The following NLRP13 variants were observed in gnomAD, a reference collection of about 807,000 sequenced individuals.
The protein encoded by NLRP13 is NACHT, LRR and PYD domains-containing protein 13.
Under a neutral mutation model 94.4 loss-of-function variants are expected in NLRP13, and 82 were observed. The observed-to-expected ratio is 0.87, with a 90% CI of 0.73 to 1.04. The LOEUF (loss-of-function observed/expected upper bound fraction) is 1.04, where lower values mean the gene tolerates loss of function less well. NLRP13 is among the 50% of genes least tolerant of loss of function. The pLI, the probability that NLRP13 is intolerant of heterozygous loss-of-function variation, is 0.00. For missense variants in NLRP13, 1,426 were observed against 1,230.8 expected (o/e 1.16, Z -2.37); for synonymous variants, 553 against 464.7 (o/e 1.19, Z -2.45).
chr19:55,905,406 CAT>C (rs35976866), intron 7 of NLRP13, among the ~76,000 whole-genome samples: 1 of 149,388 alleles, frequency 6.7e-6, no homozygotes, highest in African/African-American at 2.5e-5. Context: ...TATATACATA[CAT>C]ATATATACAC....
intron 10 of NLRP13, among the ~76,000 whole-genome samples, chr19:55,898,479 G>T (rs775450491): frequency 6.6e-6 from 1 of 152,090 alleles, no homozygotes; most frequent in Non-Finnish European, 1.5e-5. Context: ...CCAAATGCTG[G>T]GATTACAGGT....
intron 9 of NLRP13, 73 bp downstream of exon 9, chr19:55,901,962 A>T (rs1001857585): frequency 1.3e-5 from 20 of 1,485,336 alleles, no homozygotes; most frequent in Non-Finnish European, 1.9e-5. Context: ...CCCATCAGGA[A>T]CTCAGGCATT....
At chr19:55,931,746 A>AGAAAGACAGAAAG (rs1568449466) in intron 1 of NLRP13, among the ~76,000 whole-genome samples, 4 of 82,010 alleles carry the variant, frequency 4.9e-5, no homozygotes, top group Admixed American at 1.4e-4. Flanking sequence ...AAGAAAGAAA[A>AGAAAGACAGAAAG]AGGCTTATAA....
intron 1 of NLRP13, among the ~76,000 whole-genome samples, chr19:55,928,793 C>G (rs1272056058): frequency 6.6e-6 from 1 of 152,124 alleles, no homozygotes; most frequent in Non-Finnish European, 1.5e-5. Context: ...CAAATGGGAT[C>G]TAATTGAACT....
intron 10 of NLRP13, among the ~76,000 whole-genome samples, chr19:55,896,430 GA>G: frequency 6.6e-6 from 1 of 150,542 alleles, no homozygotes. Flanking sequence ...GCTGAGGCAG[GA>G]GAATCGCTTG....
chr19:55,899,070 A>T, intron 9 of NLRP13, 133 bp from the exon 10 acceptor site: 2 of 951,494 alleles, frequency 2.1e-6, no homozygotes, highest in Middle Eastern at 5.6e-4. Flanking sequence ...GCCTCGAAGG[A>T]GGAGGGTGCG....
At chr19:55,908,374 T>C (rs997303957) in intron 6 of NLRP13, among the ~76,000 whole-genome samples, 11 of 152,174 alleles carry the variant, frequency 7.2e-5, no homozygotes, top group African/African-American at 2.7e-4. Context: ...AAAAGTTTAA[T>C]ATTAAAAGAA....
chr19:55,896,545 G>C (rs1239800416), intron 10 of NLRP13, among the ~76,000 whole-genome samples: 3 of 141,070 alleles, frequency 2.1e-5, no homozygotes, highest in African/African-American at 7.9e-5. Context: ...AGGGCTGGGC[G>C]CGGTGGCTCA....
At chr19:55,895,881 C>T (rs1985992981), downstream of NLRP13, 2 of 1,543,516 alleles carry the variant, frequency 1.3e-6, no homozygotes, top group South Asian at 2.5e-5. Flanking sequence ...GACACATGCT[C>T]TAGAAGCCTA....
chr19:55,922,603 G>T (rs770543678), intron 4 of NLRP13, among the ~76,000 whole-genome samples: 1 of 152,180 alleles, frequency 6.6e-6, no homozygotes, highest in Non-Finnish European at 1.5e-5. Flanking sequence ...TGGGATTACC[G>T]GCGTGAGCCA....
downstream of NLRP13, chr19:55,895,888 C>A: frequency 6.4e-7 from 1 of 1,550,760 alleles, no homozygotes; most frequent in Admixed American, 1.8e-5. Flanking sequence ...GCTCTAGAAG[C>A]CTAGTCAATC....
chr19:55,899,685 C>T (rs997488458), intron 9 of NLRP13, among the ~76,000 whole-genome samples: 1 of 152,102 alleles, frequency 6.6e-6, no homozygotes, highest in Non-Finnish European at 1.5e-5. Context: ...GAGGCTGAGG[C>T]AGGAGAATAG....
chr19:55,894,372 C>G (rs144038717), downstream of NLRP13, among the ~76,000 whole-genome samples: 319 of 152,280 alleles, frequency 2.1e-3, 1 homozygote, highest in Non-Finnish European at 4.0e-3. Flanking sequence ...TCTCAGAATA[C>G]TGAATGGGGT....
Position 55,932,048 on chromosome 19 carries a change from G to A in NLRP13, c.264C>T (p.Ile88=), listed in dbSNP as rs777637676. The part of the protein sequence containing the change: ...KGQAWKVVLG[I]FQTMNLTSLC... The stretch of plus-strand genomic sequence containing the variant: ...GTGAGGTCAGATTCATTGTCTGGAA[G>A]ATGCCGAGGACCACTTTCCATGCCT... The change falls in exon 1 of 11, where the codon ATC becomes ATT. Residue 88 remains isoleucine (I), a synonymous_variant. Transcript: ENST00000342929. 1.2e-6 allele frequency: 2 copies of A among 1,614,058 alleles called. No individual in the cohort carries two copies. Among genetic ancestry groups the A allele is most frequent in the Non-Finnish European group, 8.5e-7 (1 of 1,180,020 alleles).
Position 55,912,103 on chromosome 19 carries a change from G to A in NLRP13, c.1714C>T (p.His572Tyr), listed in dbSNP as rs1986534177. ...KPQEMKMLLQ[H>Y]VLLDKEAYWT... ...TAGGCTTCTTTGTCAAGCAAGACGT[G>A]TTGCAGTAACATCTTCATCTCTTGT... Residue 572 changes from histidine (H) to tyrosine (Y), a missense_variant, in exon 5 of 11, where the codon CAC (histidine) becomes TAC (tyrosine). Physicochemically the swap from His to Tyr is moderately conservative, Grantham distance 83 (BLOSUM62 2). Coordinates refer to ENST00000342929, the MANE Select transcript of NLRP13 (RefSeq NM_176810.2). 6.2e-7 allele frequency: 1 copy of A among 1,614,190 alleles called. No individual in the cohort carries two copies. Among genetic ancestry groups the A allele is most frequent in the Non-Finnish European group, 8.5e-7 (1 of 1,180,028 alleles).
At chr19:55,905,609 C>A (rs1381666679) in intron 7 of NLRP13, among the ~76,000 whole-genome samples, 1 of 151,724 alleles carries the variant, frequency 6.6e-6, no homozygotes, top group Non-Finnish European at 1.5e-5. Context: ...GCCAAGAGTG[C>A]GCCACTGTAC....
intron 1 of NLRP13, among the ~76,000 whole-genome samples, chr19:55,930,686 CAAA>C (rs9304769): frequency 1.1e-3 from 103 of 94,208 alleles, no homozygotes; most frequent in East Asian, 2.7e-3. Context: ...AACTCCATCT[CAAA>C]AAAAAAAAAA....
At chr19:55,920,118 G>C (rs1986782282) in intron 4 of NLRP13, among the ~76,000 whole-genome samples, 1 of 152,134 alleles carries the variant, frequency 6.6e-6, no homozygotes, top group Non-Finnish European at 1.5e-5. Context: ...GGGAAAACTG[G>C]CTAGCCATAT....
intron 6 of NLRP13, among the ~76,000 whole-genome samples, chr19:55,909,818 T>C (rs1034744405): frequency 6.6e-6 from 1 of 152,214 alleles, no homozygotes; most frequent in Non-Finnish European, 1.5e-5. Flanking sequence ...GCCTTCTATC[T>C]CGTTTTCTTG....
Sources: gnomAD v4.1 joint callset for allele counts (sites outside exome capture counted in the v4.1 genomes callset) on GRCh38, gnomAD v4.1.1 for gene constraint, MANE v1.5 for transcripts, NCBI Gene and HGNC (gene_info 2026-07-23, HGNC 2026-07-21) for gene names.